The following ROBO1 variants were observed in gnomAD, a reference collection of about 807,000 sequenced individuals.
The protein encoded by ROBO1 is roundabout guidance receptor 1.
Under a neutral mutation model 195.9 loss-of-function variants are expected in ROBO1, and 149 were observed. The ratio of observed to expected loss-of-function variants is 0.76; its 90% CI spans 0.67 to 0.87. The LOEUF is 0.87. Ranked by LOEUF, ROBO1 falls within the 40% of genes least tolerant of loss-of-function variation. ROBO1 has a pLI of 0.00. For missense variants in ROBO1, 1,933 were observed against 2,068.3 expected (o/e 0.93, Z 1.27); for synonymous variants, 816 against 733.2 (o/e 1.11, Z -1.82).
At chr3:79,445,664 T>C (rs2039226140) in intron 2 of ROBO1, among the ~76,000 whole-genome samples, 2 of 145,736 alleles carry the variant, frequency 1.4e-5, no homozygotes, top group Admixed American at 1.4e-4. Flanking sequence ...GCCTGGCAAT[T>C]TTTTTTTTTT....
chr3:79,500,396 C>T (rs578035875), intron 2 of ROBO1, among the ~76,000 whole-genome samples: 1 of 152,204 alleles, frequency 6.6e-6, no homozygotes, highest in Non-Finnish European at 1.5e-5. Flanking sequence ...TCCCAAAGTG[C>T]TGGGATAACA....
At chr3:79,522,745 G>T (rs1332200899) in intron 2 of ROBO1, among the ~76,000 whole-genome samples, 1 of 152,102 alleles carries the variant, frequency 6.6e-6, no homozygotes, top group Non-Finnish European at 1.5e-5. Context: ...TATATTCAAA[G>T]ATGATCGTGG....
intron 4 of ROBO1, chr3:78,938,023 G>A (rs1024918881): frequency 6.5e-6 from 1 of 154,912 alleles, no homozygotes; most frequent in Admixed American, 6.4e-5. Context: ...GTGTGTGTGT[G>A]TGTGTGTGTA....
At chr3:78,748,680 TTCC>T (rs1454682573) in intron 4 of ROBO1, among the ~76,000 whole-genome samples, 3 of 152,044 alleles carry the variant, frequency 2.0e-5, no homozygotes, top group Non-Finnish European at 4.4e-5. Context: ...AATTTTTTCC[TTCC>T]TCAATTCCAA....
chr3:79,087,928 G>A (rs1374584469), intron 3 of ROBO1, among the ~76,000 whole-genome samples: 2 of 151,908 alleles, frequency 1.3e-5, no homozygotes, highest in Non-Finnish European at 2.9e-5. Context: ...GTGATTTCCT[G>A]GTACCAAGGG....
intron 2 of ROBO1, among the ~76,000 whole-genome samples, chr3:79,394,464 T>G (rs987880284): frequency 4.6e-5 from 7 of 151,892 alleles, no homozygotes; most frequent in Non-Finnish European, 8.8e-5. Context: ...GCATTCTGAA[T>G]TATATATATT....
At chr3:79,044,441 T>C (rs2078551686) in intron 3 of ROBO1, among the ~76,000 whole-genome samples, 2 of 152,198 alleles carry the variant, frequency 1.3e-5, no homozygotes, top group Non-Finnish European at 2.9e-5. Flanking sequence ...GCATTTATTA[T>C]AGCATTTATT....
At chr3:78,828,633 T>C (rs2031857087) in intron 4 of ROBO1, among the ~76,000 whole-genome samples, 1 of 150,032 alleles carries the variant, frequency 6.7e-6, no homozygotes, top group Non-Finnish European at 1.5e-5. Context: ...ATTTTGATCA[T>C]TTGGGTATGT....
chr3:78,760,280 C>T (rs181375000), intron 4 of ROBO1, among the ~76,000 whole-genome samples: 54 of 152,244 alleles, frequency 3.5e-4, no homozygotes, highest in South Asian at 1.0e-3. Flanking sequence ...TAAAACCAGA[C>T]GAATACACAT....
At chr3:78,937,581 T>C (rs746887418) in intron 4 of ROBO1, among the ~76,000 whole-genome samples, 2 of 152,102 alleles carry the variant, frequency 1.3e-5, no homozygotes, top group East Asian at 1.9e-4. Flanking sequence ...TGAATGTAGA[T>C]AGAAAATAAA....
intron 2 of ROBO1, among the ~76,000 whole-genome samples, chr3:79,530,498 A>G (rs1559968235): frequency 6.6e-6 from 1 of 152,182 alleles, no homozygotes. Context: ...CCTGTAATAC[A>G]GGTAGATTCC....
intron 1 of ROBO1, among the ~76,000 whole-genome samples, chr3:79,681,818 A>T (rs7613557): frequency 0.25 from 37,243 of 151,866 alleles, 4,882 homozygotes; most frequent in African/African-American, 0.33. Context: ...CAGACAATGG[A>T]TATCATTCAG....
intron 4 of ROBO1, among the ~76,000 whole-genome samples, chr3:78,902,695 T>C (rs981627847): frequency 3.3e-5 from 5 of 151,868 alleles, no homozygotes; most frequent in Non-Finnish European, 5.9e-5. Context: ...AGACAAAAAT[T>C]AGATGGGTGT....
chr3:79,720,824 G>C (rs1299768983), intron 1 of ROBO1, among the ~76,000 whole-genome samples: 1 of 143,448 alleles, frequency 7.0e-6, no homozygotes. Context: ...ATGGAGTCTC[G>C]CGCTGTTGCC....
chr3:78,750,127 T>C (rs1051505101), intron 4 of ROBO1, among the ~76,000 whole-genome samples: 2 of 152,134 alleles, frequency 1.3e-5, no homozygotes, highest in Non-Finnish European at 2.9e-5. Flanking sequence ...TTTCATTAAA[T>C]ATTTGAATCC....
rs1560144008 is a variant in ROBO1 at position 79,735,911 on chromosome 3, AC to A, written c.-51+31840del. 1.3e-5 allele frequency among the ~76,000 whole-genome samples: 2 copies of A among 151,886 alleles called. 1 individual carries two copies. The highest frequency in any genetic ancestry group is 6.3e-3 in the Middle Eastern group (2 of 316). ...ACAAAAAAAAAACAAAAAATGCCTG[AC>A]ACTGCCTCATAGATTCATTCAGGTA... On this transcript the variant is annotated intron_variant, in intron 1 of 30. Coordinates refer to ENST00000464233, the MANE Select transcript of ROBO1 (RefSeq NM_002941.4).
At chr3:79,045,602 C>G (rs902832953) in intron 3 of ROBO1, among the ~76,000 whole-genome samples, 1 of 152,002 alleles carries the variant, frequency 6.6e-6, no homozygotes, top group Non-Finnish European at 1.5e-5. Flanking sequence ...AAATTCTATA[C>G]TTTAAAAATT....
chr3:79,286,243 G>A (rs2031875502), intron 2 of ROBO1, among the ~76,000 whole-genome samples: 1 of 152,070 alleles, frequency 6.6e-6, no homozygotes, highest in African/African-American at 2.4e-5. Context: ...CTTTCTTTAT[G>A]GACATTTAAA....
At chr3:78,981,785 G>A (rs2076996958) in intron 3 of ROBO1, among the ~76,000 whole-genome samples, 2 of 131,578 alleles carry the variant, frequency 1.5e-5, no homozygotes, top group African/African-American at 6.3e-5. Flanking sequence ...CCTGGCCCCT[G>A]CCAACACACA....
Sources: allele counts gnomAD v4.1 joint callset (sites outside exome capture counted in the v4.1 genomes callset), GRCh38; gene constraint gnomAD v4.1.1; transcripts MANE v1.5; gene names NCBI Gene and HGNC (gene_info 2026-07-23, HGNC 2026-07-21).